CHN2: variants seen among roughly 807,000 people sequenced by gnomAD.
CHN2 encodes beta-chimaerin.
In CHN2, 35 loss-of-function variants were observed where a neutral mutation model predicts 56.3. That is an observed-to-expected ratio of 0.62 (90% CI 0.47 to 0.82). The LOEUF is 0.82. Among genes scored for constraint, CHN2 ranks in the 40% least tolerant of loss-of-function variants. The probability of loss-of-function intolerance (pLI) is 0.00; values close to 1 mark genes in which losing one functional copy is unlikely to be tolerated. For missense variants in CHN2, 491 were observed against 580.5 expected (o/e 0.85, Z 1.58); for synonymous variants, 210 against 212.8 (o/e 0.99, Z 0.12).
chr7:29,219,806 G>A (rs1046652869), intron 1 of CHN2, among the ~76,000 whole-genome samples: 6 of 152,190 alleles, frequency 3.9e-5, no homozygotes, highest in Admixed American at 6.5e-5. Context: ...GCTGGGCGCC[G>A]TGGCTCATGC....
intron 6 of CHN2, among the ~76,000 whole-genome samples, chr7:29,455,335 CT>C (rs1418362955): frequency 6.6e-6 from 1 of 152,182 alleles, no homozygotes; most frequent in East Asian, 1.9e-4. Context: ...GATGCTACAG[CT>C]TTGAAAAATA....
chr7:29,212,161 C>T, intron 1 of CHN2: 1 of 581,974 alleles, frequency 1.7e-6, no homozygotes, highest in Non-Finnish European at 3.0e-6. Flanking sequence ...GTGGAGGCAA[C>T]TCACTTCATC....
chr7:29,358,465 A>AT (rs1798482652), intron 2 of CHN2, among the ~76,000 whole-genome samples: 1 of 151,816 alleles, frequency 6.6e-6, no homozygotes, highest in Non-Finnish European at 1.5e-5. Flanking sequence ...TTATTTATTT[A>AT]TTTATTTTCT....
At chr7:29,166,168 C>T (rs2128718381) in intron 2 of CHN2, among the ~76,000 whole-genome samples, 1 of 152,130 alleles carries the variant, frequency 6.6e-6, no homozygotes, top group Middle Eastern at 3.4e-3. Flanking sequence ...GTAGCTAGGA[C>T]CACGGGTGTG....
At chr7:29,511,767 A>G (rs1791450257) in intron 12 of CHN2, among the ~76,000 whole-genome samples, 1 of 152,084 alleles carries the variant, frequency 6.6e-6, no homozygotes, top group South Asian at 2.1e-4. Context: ...TGGAGAACCC[A>G]TTCCCTTTTA....
chr7:29,497,901 G>A (rs894118880), intron 8 of CHN2, among the ~76,000 whole-genome samples: 2 of 152,128 alleles, frequency 1.3e-5, no homozygotes, highest in African/African-American at 4.8e-5. Context: ...CAGGGGATGG[G>A]TAGATGGGGA....
At chr7:29,339,246 T>C (rs545878487) in intron 1 of CHN2, among the ~76,000 whole-genome samples, 6 of 152,240 alleles carry the variant, frequency 3.9e-5, no homozygotes, top group African/African-American at 9.6e-5. Flanking sequence ...TTTTAAAAAG[T>C]TTGCTATACT....
At chr7:29,190,300 T>C (rs1269961414), upstream of CHN2, among the ~76,000 whole-genome samples, 1 of 152,350 alleles carries the variant, frequency 6.6e-6, no homozygotes, top group South Asian at 2.1e-4. Flanking sequence ...AGTTGACGAA[T>C]AGCCCTGCTA....
At chr7:29,502,921 C>T (rs923175563) in intron 9 of CHN2, among the ~76,000 whole-genome samples, 10 of 152,126 alleles carry the variant, frequency 6.6e-5, no homozygotes, top group African/African-American at 2.4e-4. Context: ...TCCAACAGGC[C>T]CCGGTGTGTG....
chr7:29,251,375 G>C (rs1043473815), intron 1 of CHN2, among the ~76,000 whole-genome samples: 2 of 152,040 alleles, frequency 1.3e-5, no homozygotes, highest in African/African-American at 4.8e-5. Flanking sequence ...GATCTCTTGA[G>C]CCTGGGAGGT....
intron 3 of CHN2, among the ~76,000 whole-genome samples, chr7:29,374,122 T>C (rs753961747): frequency 6.6e-6 from 1 of 152,192 alleles, no homozygotes; most frequent in Non-Finnish European, 1.5e-5. Context: ...TTTCTTTTCA[T>C]CCTAGACTTT....
rs574544339 is a variant in CHN2, at chr7:29,290,056, A to G, written c.50-64569A>G. On this transcript the variant is annotated intron_variant, in intron 1 of 12. Coordinates refer to ENST00000222792, the MANE Select transcript of CHN2 (RefSeq NM_004067.4). ...TGAAGTTCAAGGTATTAGAATTTGG[A>G]TCTTTAGGGACTTCACTCTTAATTT... Among the ~76,000 whole-genome samples the G allele has an allele frequency of 3.9e-5, 6 of 152,318 alleles. No homozygotes were observed. In the East Asian group the frequency reaches 1.2e-3, roughly 29 times the overall value.
intron 1 of CHN2, chr7:29,198,126 G>T: frequency 4.5e-6 from 2 of 445,896 alleles, no homozygotes; most frequent in East Asian, 7.0e-5. Flanking sequence ...GTAGCAGTGG[G>T]TTTGATGGAA....
At chr7:29,483,399 G>A (rs1166140436) in intron 7 of CHN2, among the ~76,000 whole-genome samples, 1 of 152,170 alleles carries the variant, frequency 6.6e-6, no homozygotes, top group Non-Finnish European at 1.5e-5. Flanking sequence ...TCGGCTCTGA[G>A]AACAAAAGCT....
intron 1 of CHN2, among the ~76,000 whole-genome samples, chr7:29,343,683 G>C (rs1797215914): frequency 6.6e-6 from 1 of 151,874 alleles, no homozygotes; most frequent in African/African-American, 2.4e-5. Context: ...CTATCGCTCT[G>C]GTCTCTGCCT....
chr7:29,332,428 T>C (rs1343509238), intron 1 of CHN2, among the ~76,000 whole-genome samples: 1 of 152,160 alleles, frequency 6.6e-6, no homozygotes, highest in East Asian at 1.9e-4. Context: ...TTTTTTACTC[T>C]ATGAGGATGC....
At chr7:29,497,740 G>A (rs1419018095) in intron 8 of CHN2, among the ~76,000 whole-genome samples, 6 of 152,116 alleles carry the variant, frequency 3.9e-5, no homozygotes, top group African/African-American at 1.4e-4. Flanking sequence ...TTTTACATTT[G>A]TTATAGAACA....
At chr7:29,186,562 T>C (rs1350224258) in intron 2 of CHN2, 1 of 130,352 alleles carries the variant, frequency 7.7e-6, no homozygotes, top group Admixed American at 8.9e-5. Flanking sequence ...GTGACAGAGA[T>C]GAAAGGAAAG....
chr7:29,260,139 G>T (rs377279784), intron 1 of CHN2, among the ~76,000 whole-genome samples: 1 of 151,902 alleles, frequency 6.6e-6, no homozygotes, highest in African/African-American at 2.4e-5. Flanking sequence ...CATCATGCCC[G>T]GCTAATTTTT....
Sources: allele counts gnomAD v4.1 joint callset (sites outside exome capture counted in the v4.1 genomes callset), GRCh38; gene constraint gnomAD v4.1.1; transcripts MANE v1.5; gene names NCBI Gene and HGNC (gene_info 2026-07-23, HGNC 2026-07-21).